The following POU3F1 variants were observed in gnomAD, a reference collection of about 807,000 sequenced individuals.
POU3F1 encodes POU domain, class 3, transcription factor 1.
A neutral mutation model predicts 7.6 loss-of-function variants in POU3F1; 1 was observed. That is an observed-to-expected ratio of 0.13 (90% CI 0.05 to 0.62). POU3F1 has a LOEUF of 0.62. Among genes scored for constraint, POU3F1 ranks in the 20% least tolerant of loss-of-function variants. POU3F1 has a pLI of 0.87. For synonymous variants in POU3F1, 354 were observed against 339.0 expected (o/e 1.04, Z -0.49); for missense variants, 505 against 679.3 (o/e 0.74, Z 2.85).
Position 38,043,903 on chromosome 1 carries a change from AT to A in POU3F1, c.*1484del, listed in dbSNP as rs200879858. Among the ~76,000 whole-genome samples, 64 of 151,456 alleles carry A rather than the reference AT, an allele frequency of 4.2e-4. 1 individual carries two copies. The highest frequency in any genetic ancestry group is 2.1e-3 in the South Asian group (10 of 4,768). On this transcript the variant is annotated 3_prime_UTR_variant, in exon 1 of 1. Transcript: ENST00000373012. The surrounding 1 kb of genome is among the most constrained non-coding windows in gnomAD (Gnocchi z 4.5). ...TAAAGGGAACTTCCCAGTCTACATT[AT>A]TTTTTTTTCAATAAAGATACAAAGA...
chr1:38,046,787 C>G lies in POU3F1; in HGVS notation c.-44G>C, dbSNP rs960429538. ...CCGCGCCGCCGCCGCCGCTCCGCTCCGTCTGCGGGCCCCGCCGCCTCGCTC... is the reference window on the plus strand; with the variant it reads ...CCGCGCCGCCGCCGCCGCTCCGCTCGGTCTGCGGGCCCCGCCGCCTCGCTC... On this transcript the variant is annotated 5_prime_UTR_variant, in exon 1 of 1. Transcript: ENST00000373012. This position sits in a 1 kb window ranked among gnomAD's most constrained non-coding sequence, Gnocchi z 9.5. 1.8e-5 allele frequency: 18 copies of G among 984,698 alleles called. No individual in the cohort carries two copies. The highest frequency in any genetic ancestry group is 5.1e-4 in the Middle Eastern group (1 of 1,946). The allele number at this position is 984,698 out of a possible 1,614,324, so 61.0% of individuals were successfully genotyped here.
In POU3F1 at chr1:38,046,233, C is replaced by A; in HGVS notation, c.511G>T (p.Gly171Cys). The change falls in exon 1 of 1, where the codon GGC becomes TGC. Residue 171 changes from glycine to cysteine, a missense_variant. Around this residue, in one of 5 missense-constraint regions of POU3F1, gnomAD observed 361 missense variants for 382.1 expected, o/e 0.94. Transcript: ENST00000373012. This position sits in a 1 kb window ranked among gnomAD's most constrained non-coding sequence, Gnocchi z 9.5. ...CCCGCCGCCAGCATCCCGGCCAGGC[C>A]GCCGCCGCCGCCCCCCGGGTAGGCC... ...QAAYPGGGGGGLAGMLAAGGG... is the reference protein window; with the variant it reads ...QAAYPGGGGGCLAGMLAAGGG... 1 of 1,056,100 alleles carries A rather than the reference C, an allele frequency of 9.5e-7. No individual in the cohort carries two copies. Among genetic ancestry groups the A allele is most frequent in the East Asian group, 8.1e-5 (1 of 12,360 alleles). 65.4% of individuals were successfully genotyped at this position (1,056,100 alleles called of 1,614,324 possible). A position where few individuals can be genotyped will look rare whatever the true frequency, so the allele number is the denominator to read the frequency against.
Position 38,045,317 on chromosome 1 carries a change from G to T in POU3F1, c.*71C>A. 2.1e-6 allele frequency: 1 copy of T among 472,296 alleles called. No individual in the cohort carries two copies. Among genetic ancestry groups the T allele is most frequent in the Non-Finnish European group, 2.8e-6 (1 of 350,916 alleles). The allele number at this position is 472,296 out of a possible 1,614,324, so 29.3% of individuals were successfully genotyped here. A position where few individuals can be genotyped will look rare whatever the true frequency, so the allele number is the denominator to read the frequency against. ...AAAATCCAAAGCAACCGAACAAAAA[G>T]AGTCCAGGCCGCGCGGGCGGGCTGC... On this transcript the variant is annotated 3_prime_UTR_variant, in exon 1 of 1. Coordinates refer to ENST00000373012, the MANE Select transcript of POU3F1 (RefSeq NM_002699.4). The surrounding 1 kb of genome is among the most constrained non-coding windows in gnomAD (Gnocchi z 9.4).
Position 38,045,841 on chromosome 1 carries a change from C to G in POU3F1, c.903G>C (p.Leu301=). Residue 301 remains leucine (L), a synonymous_variant, in exon 1 of 1, where the codon CTG becomes CTC. Coordinates refer to ENST00000373012, the MANE Select transcript of POU3F1 (RefSeq NM_002699.4). This position sits in a 1 kb window ranked among gnomAD's most constrained non-coding sequence, Gnocchi z 9.4. ...TGAGCTTGCACATGTTCTTGAAGCTCAGCTGCAGGGCCTCGAAGCGGCAGA... is the reference window on the plus strand; with the variant it reads ...TGAGCTTGCACATGTTCTTGAAGCTGAGCTGCAGGGCCTCGAAGCGGCAGA... The part of the protein sequence containing the change: ...TTICRFEALQ[L]SFKNMCKLKP... 1 of 1,614,030 alleles carries G rather than the reference C, an allele frequency of 6.2e-7. No individual in the cohort carries two copies. Among genetic ancestry groups the G allele is most frequent in the Non-Finnish European group, 8.5e-7 (1 of 1,180,010 alleles).
chr1:38,046,660 C>A lies in POU3F1; in HGVS notation c.84G>T (p.Ala28=). 7.8e-7 allele frequency: 1 copy of A among 1,281,056 alleles called. No homozygotes were observed. 79.4% of individuals were successfully genotyped at this position (1,281,056 alleles called of 1,614,324 possible). ...CGGCCGCCGCCGCCGCCGCCGCCGC[C>A]GCGGCGTCCGGGTGCATAAGCGGCC... The part of the protein sequence containing the change: ...GTGPLMHPDA[A]AAAAAAAAAE... The change falls in exon 1 of 1, where the codon GCG becomes GCT. Residue 28 remains alanine (A), a synonymous_variant. Transcript: ENST00000373012. This position sits in a 1 kb window ranked among gnomAD's most constrained non-coding sequence, Gnocchi z 9.5.
Position 38,046,411 on chromosome 1 carries a change from ACCT to A in POU3F1, c.330_332del (p.Gly111del), listed in dbSNP as rs1483943430. ...CCTGGTGCACCAGGCGCGCGTGGAA[ACCT>A]CCGCCGCCGCCGCCGTCGTCGGCTC... On this transcript the variant is annotated inframe_deletion, in exon 1 of 1. Coordinates refer to ENST00000373012, the MANE Select transcript of POU3F1 (RefSeq NM_002699.4). The surrounding 1 kb of genome is among the most constrained non-coding windows in gnomAD (Gnocchi z 9.5). 1 of 1,259,392 alleles carries A rather than the reference ACCT, an allele frequency of 7.9e-7. No homozygotes were observed. Among genetic ancestry groups the A allele is most frequent in the Non-Finnish European group, 9.9e-7 (1 of 1,008,104 alleles). The allele number at this position is 1,259,392 out of a possible 1,614,324, so 78.0% of individuals were successfully genotyped here. A position where few individuals can be genotyped will look rare whatever the true frequency, so the allele number is the denominator to read the frequency against.
chr1:38,046,771 C>A lies in POU3F1; in HGVS notation c.-28G>T. ...CGCCCCGCGCCCTGCGCCGCGCCGC[C>A]GCCGCCGCTCCGCTCCGTCTGCGGG... is the stretch of plus-strand genomic sequence containing the variant. On this transcript the variant is annotated 5_prime_UTR_variant, in exon 1 of 1. Coordinates refer to ENST00000373012, the MANE Select transcript of POU3F1 (RefSeq NM_002699.4). The surrounding 1 kb of genome is among the most constrained non-coding windows in gnomAD (Gnocchi z 9.5). 1.0e-6 allele frequency: 1 copy of A among 985,644 alleles called. No individual in the cohort carries two copies. Among genetic ancestry groups the A allele is most frequent in the Non-Finnish European group, 1.2e-6 (1 of 831,518 alleles). 61.1% of individuals were successfully genotyped at this position (985,644 alleles called of 1,614,324 possible). A position where few individuals can be genotyped will look rare whatever the true frequency, so the allele number is the denominator to read the frequency against.
chr1:38,046,076 A>T lies in POU3F1; in HGVS notation c.668T>A (p.Leu223Gln), dbSNP rs1222170997. 7.1e-7 allele frequency: 1 copy of T among 1,418,222 alleles called. No homozygotes were observed. The highest frequency in any genetic ancestry group is 1.4e-5 in the South Asian group (1 of 69,510). The allele number at this position is 1,418,222 out of a possible 1,614,324, so 87.9% of individuals were successfully genotyped here. ...GTGCAGGTGCGCCGCCGCCGCGTGC[A>T]GGCCGCCCGCGTGTGCATGTCCGTG... ...HAHGHAHAGGLHAAAAHLHPG... is the reference protein window; with the variant it reads ...HAHGHAHAGGQHAAAAHLHPG... Residue 223 changes from leucine to glutamine, a missense_variant, in exon 1 of 1, where the codon CTG becomes CAG. By Grantham distance (113) the Leu-to-Gln change is moderately radical. Transcript: ENST00000373012. This position sits in a 1 kb window ranked among gnomAD's most constrained non-coding sequence, Gnocchi z 9.5.
In POU3F1 at chr1:38,046,161, C is replaced by T; in HGVS notation, c.583G>A (p.Gly195Ser). ...PGLHHALHED[G>S]HEAQLEPSPP... ...GACGGCTCCAGCTGCGCCTCGTGGC[C>T]ATCCTCGTGCAGCGCGTGGTGCAGG... Residue 195 changes from glycine to serine, a missense_variant, in exon 1 of 1, where the codon GGC (glycine) becomes AGC (serine). Around this residue, in one of 5 missense-constraint regions of POU3F1, gnomAD observed 361 missense variants for 382.1 expected, o/e 0.94. Coordinates refer to ENST00000373012, the MANE Select transcript of POU3F1 (RefSeq NM_002699.4). This position sits in a 1 kb window ranked among gnomAD's most constrained non-coding sequence, Gnocchi z 9.5. 7.3e-7 allele frequency: 1 copy of T among 1,372,426 alleles called. No individual in the cohort carries two copies. The highest frequency in any genetic ancestry group is 1.5e-5 in the African/African-American group (1 of 64,660). The allele number at this position is 1,372,426 out of a possible 1,614,324, so 85.0% of individuals were successfully genotyped here.
Position 38,046,287 on chromosome 1 carries a change from G to T in POU3F1, c.457C>A (p.Pro153Thr). The T allele has an allele frequency of 8.7e-7, 1 of 1,156,006 alleles. No homozygotes were observed. The highest frequency in any genetic ancestry group is 1.1e-6 in the Non-Finnish European group (1 of 940,340). 71.6% of individuals were successfully genotyped at this position (1,156,006 alleles called of 1,614,324 possible). A position where few individuals can be genotyped will look rare whatever the true frequency, so the allele number is the denominator to read the frequency against. Residue 153 changes from proline to threonine, a missense_variant, in exon 1 of 1, where the codon CCC (proline) becomes ACC (threonine). Coordinates refer to ENST00000373012, the MANE Select transcript of POU3F1 (RefSeq NM_002699.4). The surrounding 1 kb of genome is among the most constrained non-coding windows in gnomAD (Gnocchi z 9.5). Reference protein sequence around the residue: ...PSPGASGGHQPQPLGLYAQAA... With the variant: ...PSPGASGGHQTQPLGLYAQAA... ...TGCGCGTACAGCCCGAGCGGCTGGG[G>T]CTGGTGGCCCCCGCTGGCCCCGGGC...
chr1:38,046,556 C>A lies in POU3F1; in HGVS notation c.188G>T (p.Gly63Val). The A allele has an allele frequency of 7.3e-7, 1 of 1,367,952 alleles. No individual in the cohort carries two copies. Among genetic ancestry groups the A allele is most frequent in the Non-Finnish European group, 9.5e-7 (1 of 1,057,894 alleles). The allele number at this position is 1,367,952 out of a possible 1,614,324, so 84.7% of individuals were successfully genotyped here. ...MHHEWLGAGA[G>V]HPVGLAHPQW... is the part of the protein sequence containing the mutation. ...GGGGTGCGCTAGGCCCACGGGGTGGCCCGCGCCCGCGCCCAGCCACTCGTG... is the reference window on the plus strand; with the variant it reads ...GGGGTGCGCTAGGCCCACGGGGTGGACCGCGCCCGCGCCCAGCCACTCGTG... Residue 63 changes from glycine to valine, a missense_variant, in exon 1 of 1, where the codon GGC (glycine) becomes GTC (valine). This residue lies in a region of POU3F1 where 361 missense variants were observed against 382.1 expected (regional missense o/e 0.94). Coordinates refer to ENST00000373012, the MANE Select transcript of POU3F1 (RefSeq NM_002699.4). The surrounding 1 kb of genome is among the most constrained non-coding windows in gnomAD (Gnocchi z 9.5).
Position 38,045,591 on chromosome 1 carries a change from C to T in POU3F1, c.1153G>A (p.Val385Ile). The T allele has an allele frequency of 6.2e-7, 1 of 1,612,756 alleles. No individual in the cohort carries two copies. Among genetic ancestry groups the T allele is most frequent in the Non-Finnish European group, 8.5e-7 (1 of 1,179,574 alleles). ...TTCTGCCGCCGGTTGCAGAACCAGA[C>T]GCGCACCACCTCCTTCTCCAGCTGC... ...SLQLEKEVVR[V>I]WFCNRRQKEK... The change falls in exon 1 of 1, where the codon GTC (valine) becomes ATC (isoleucine). Residue 385 changes from valine to isoleucine, a missense_variant. Val to Ile is a conservative substitution (Grantham distance 29). Transcript: ENST00000373012. This position sits in a 1 kb window ranked among gnomAD's most constrained non-coding sequence, Gnocchi z 9.4.
Position 38,045,996 on chromosome 1 carries a change from G to C in POU3F1, c.748C>G (p.Pro250Ala), listed in dbSNP as rs1646858196. 1 of 1,610,564 alleles carries C rather than the reference G, an allele frequency of 6.2e-7. No homozygotes were observed. The highest frequency in any genetic ancestry group is 1.3e-5 in the African/African-American group (1 of 74,814). ...AACTGCTCCAGGTCGTCCGAGCTGG[G>C]CGCATCCTCGTCCGAGTGCTCGCCC... ...SVGEHSDEDA[P>A]SSDDLEQFAK... Residue 250 changes from proline to alanine, a missense_variant, in exon 1 of 1, where the codon CCC becomes GCC. Transcript: ENST00000373012. This position sits in a 1 kb window ranked among gnomAD's most constrained non-coding sequence, Gnocchi z 9.4.
chr1:38,046,218 G>A lies in POU3F1; in HGVS notation c.526C>T (p.Leu176=). The A allele has an allele frequency of 9.3e-7, 1 of 1,079,102 alleles. No individual in the cohort carries two copies. Among genetic ancestry groups the A allele is most frequent in the Non-Finnish European group, 1.1e-6 (1 of 895,644 alleles). 66.8% of individuals were successfully genotyped at this position (1,079,102 alleles called of 1,614,324 possible). The change falls in exon 1 of 1, where the codon CTG becomes TTG. Residue 176 remains leucine, a synonymous_variant. Coordinates refer to ENST00000373012, the MANE Select transcript of POU3F1 (RefSeq NM_002699.4). The surrounding 1 kb of genome is among the most constrained non-coding windows in gnomAD (Gnocchi z 9.5). ...CCCGCGCCGCCACCGCCCGCCGCCA[G>A]CATCCCGGCCAGGCCGCCGCCGCCG... ...GGGGGGLAGM[L]AAGGGGAGPG...
Position 38,045,853 on chromosome 1 carries a change from C to T in POU3F1, c.891G>A (p.Glu297=). 3 of 1,614,016 alleles carry T rather than the reference C, an allele frequency of 1.9e-6. No individual in the cohort carries two copies. The highest frequency in any genetic ancestry group is 2.5e-6 in the Non-Finnish European group (3 of 1,180,010). ...TGTTCTTGAAGCTCAGCTGCAGGGC[C>T]TCGAAGCGGCAGATGGTGGTCTGCG... ...VFSQTTICRF[E]ALQLSFKNMC... The change falls in exon 1 of 1, where the codon GAG becomes GAA. Residue 297 remains glutamate, a synonymous_variant. Coordinates refer to ENST00000373012, the MANE Select transcript of POU3F1 (RefSeq NM_002699.4). This position sits in a 1 kb window ranked among gnomAD's most constrained non-coding sequence, Gnocchi z 9.4.
chr1:38,046,103 G>T lies in POU3F1; in HGVS notation c.641C>A (p.Ala214Glu). Reference sequence around the variant, plus strand: ...GCCGCCCGCGTGTGCATGTCCGTGTGCGTGTCCGTGGGCGCCCAGATGCGG... The same window carrying T: ...GCCGCCCGCGTGTGCATGTCCGTGTTCGTGTCCGTGGGCGCCCAGATGCGG... ...PPPHLGAHGH[A>E]HGHAHAGGLH... The change falls in exon 1 of 1, where the codon GCA becomes GAA. Residue 214 changes from alanine (A) to glutamate (E), a missense_variant. This residue lies in a region of POU3F1 where 361 missense variants were observed against 382.1 expected (regional missense o/e 0.94). Transcript: ENST00000373012. This position sits in a 1 kb window ranked among gnomAD's most constrained non-coding sequence, Gnocchi z 9.5. The T allele has an allele frequency of 1.4e-6, 2 of 1,434,784 alleles. No individual in the cohort carries two copies. Among genetic ancestry groups the T allele is most frequent in the Non-Finnish European group, 1.8e-6 (2 of 1,099,788 alleles). The allele number at this position is 1,434,784 out of a possible 1,614,324, so 88.9% of individuals were successfully genotyped here.
Position 38,046,583 on chromosome 1 carries a change from T to C in POU3F1, c.161A>G (p.His54Arg). ...CGCGCCCGCGCCCAGCCACTCGTGG[T>C]GCATCAGCTTCTGCACTTCGCGGTA... ...AAYREVQKLM[H>R]HEWLGAGAGH... Residue 54 changes from histidine (H) to arginine (R), a missense_variant, in exon 1 of 1, where the codon CAC becomes CGC. His to Arg is a conservative substitution (Grantham distance 29). Around this residue, in one of 5 missense-constraint regions of POU3F1, gnomAD observed 361 missense variants for 382.1 expected, o/e 0.94. Transcript: ENST00000373012. The surrounding 1 kb of genome is among the most constrained non-coding windows in gnomAD (Gnocchi z 9.5). 1 of 1,379,444 alleles carries C rather than the reference T, an allele frequency of 7.2e-7. No individual in the cohort carries two copies. The allele number at this position is 1,379,444 out of a possible 1,614,324, so 85.5% of individuals were successfully genotyped here. A position where few individuals can be genotyped will look rare whatever the true frequency, so the allele number is the denominator to read the frequency against.
At position 38,045,787 on chromosome 1, in the gene POU3F1, C is replaced by T. The variant is rs1210349120; in HGVS notation, c.957G>A (p.Glu319=). 2 of 1,613,950 alleles carry T rather than the reference C, an allele frequency of 1.2e-6. No individual in the cohort carries two copies. The highest frequency in any genetic ancestry group is 1.7e-5 in the Admixed American group (1 of 60,030). ...LKPLLNKWLE[E]TDSSSGSPTN... ...TGGGGCTGCCGCTGGACGAGTCGGTCTCCTCCAGCCACTTGTTGAGCAGCG... is the reference window on the plus strand; with the variant it reads ...TGGGGCTGCCGCTGGACGAGTCGGTTTCCTCCAGCCACTTGTTGAGCAGCG... Residue 319 remains glutamate (E), a synonymous_variant, in exon 1 of 1, where the codon GAG becomes GAA. Transcript: ENST00000373012. The surrounding 1 kb of genome is among the most constrained non-coding windows in gnomAD (Gnocchi z 9.4).
In POU3F1 at chr1:38,045,499, C is replaced by T; in HGVS notation, c.1245G>A (p.Gly415=). The change falls in exon 1 of 1, where the codon GGG becomes GGA. Residue 415 remains glycine, a synonymous_variant. Coordinates refer to ENST00000373012, the MANE Select transcript of POU3F1 (RefSeq NM_002699.4). The surrounding 1 kb of genome is among the most constrained non-coding windows in gnomAD (Gnocchi z 9.4). ...HPPMDDVYAP[G]ELGPGGGGAS... Reference sequence around the variant, plus strand: ...CGCCGCCCCCGCCAGGCCCTAGCTCCCCAGGCGCGTATACATCGTCCATGG... The same window carrying T: ...CGCCGCCCCCGCCAGGCCCTAGCTCTCCAGGCGCGTATACATCGTCCATGG... 2 of 1,562,092 alleles carry T rather than the reference C, an allele frequency of 1.3e-6. No homozygotes were observed. Among genetic ancestry groups the T allele is most frequent in the Admixed American group, 1.8e-5 (1 of 54,072 alleles).
Sources: gnomAD v4.1 joint callset for allele counts (sites outside exome capture counted in the v4.1 genomes callset) on GRCh38, gnomAD v4.1.1 for gene constraint, gnomAD v4.1.1 regional missense constraint, Gnocchi (gnomAD v3.1) non-coding constraint, MANE v1.5 for transcripts, NCBI Gene and HGNC (gene_info 2026-07-23, HGNC 2026-07-21) for gene names.